Variants in PTPRM observed in about 807,000 individuals in gnomAD.
PTPRM encodes protein tyrosine phosphatase receptor type M, also known as receptor-type tyrosine-protein phosphatase mu.
In PTPRM, 47 loss-of-function variants were observed where a neutral mutation model predicts 186.7. The observed-to-expected ratio is 0.25, with a 90% CI of 0.20 to 0.32. The LOEUF (loss-of-function observed/expected upper bound fraction) is 0.32, where lower values mean the gene tolerates loss of function less well. PTPRM is among the 10% of genes least tolerant of loss of function. The pLI, the probability that PTPRM is intolerant of heterozygous loss-of-function variation, is 1.00. For synonymous variants in PTPRM, 668 were observed against 674.9 expected (o/e 0.99, Z 0.16); for missense variants, 1,494 against 1,865.0 (o/e 0.80, Z 3.66).
chr18:8,065,455 GACTGAGCTTCCTGC>G (rs1306566927), intron 7 of PTPRM, among the ~76,000 whole-genome samples: 1 of 152,108 alleles, frequency 6.6e-6, no homozygotes, highest in Non-Finnish European at 1.5e-5. Context: ...AGAGCTCACT[GACTGAGCTTCCTGC>G]GTGACAGCCA....
chr18:7,653,790 G>A (rs759402411), intron 1 of PTPRM, among the ~76,000 whole-genome samples: 4 of 152,176 alleles, frequency 2.6e-5, no homozygotes. Context: ...ACATGCATGT[G>A]TCTTTATGGT....
intron 31 of PTPRM, among the ~76,000 whole-genome samples, chr18:8,392,748 GGGGACTT>G (rs897176290): frequency 6.6e-6 from 1 of 152,136 alleles, no homozygotes; most frequent in African/African-American, 2.4e-5. Context: ...AAAACAGGCT[GGGGACTT>G]GTCAGAAAAG....
chr18:8,398,552 G>A (rs2095856046), intron 32 of PTPRM, among the ~76,000 whole-genome samples: 1 of 152,088 alleles, frequency 6.6e-6, no homozygotes, highest in Non-Finnish European at 1.5e-5. Context: ...GATCACCTGA[G>A]GTCAGGAGTT....
At chr18:7,633,281 T>C (rs771439835) in intron 1 of PTPRM, among the ~76,000 whole-genome samples, 1 of 152,202 alleles carries the variant, frequency 6.6e-6, no homozygotes, top group African/African-American at 2.4e-5. Flanking sequence ...TTGCAACCAT[T>C]CCTTGATGAA....
chr18:7,597,984 A>G (rs1221230627), intron 1 of PTPRM, among the ~76,000 whole-genome samples: 1 of 152,202 alleles, frequency 6.6e-6, no homozygotes. Flanking sequence ...GCCTGAAACA[A>G]TGCATTTAAA....
At chr18:7,604,363 GTAAAAC>G (rs1430340306) in intron 1 of PTPRM, among the ~76,000 whole-genome samples, 4 of 152,198 alleles carry the variant, frequency 2.6e-5, no homozygotes, top group African/African-American at 9.7e-5. Context: ...TGCTGCTCTG[GTAAAAC>G]ACAAACATCA....
chr18:7,711,110 C>T (rs1428651847), intron 1 of PTPRM, among the ~76,000 whole-genome samples: 9 of 152,116 alleles, frequency 5.9e-5, no homozygotes, highest in African/African-American at 2.2e-4. Context: ...CGGGTGATTT[C>T]TGCATTTCCA....
chr18:8,281,452 A>T (rs2094902907), intron 19 of PTPRM, among the ~76,000 whole-genome samples: 1 of 152,174 alleles, frequency 6.6e-6, no homozygotes, highest in African/African-American at 2.4e-5. Context: ...ACAGCAACAA[A>T]AATCTGTGCC....
intron 13 of PTPRM, chr18:8,121,840 A>G (rs528168388): frequency 6.6e-6 from 1 of 152,352 alleles, no homozygotes; most frequent in Non-Finnish European, 1.5e-5. Flanking sequence ...CTAAAAGCCT[A>G]AAGTTTGGAT....
chr18:7,613,807 T>A (rs2037737148), intron 1 of PTPRM, among the ~76,000 whole-genome samples: 1 of 152,258 alleles, frequency 6.6e-6, no homozygotes, highest in African/African-American at 2.4e-5. Context: ...GTCAGCAGAT[T>A]ACTTTTGTCC....
At chr18:7,935,379 G>A (rs774085374) in intron 5 of PTPRM, among the ~76,000 whole-genome samples, 18 of 150,590 alleles carry the variant, frequency 1.2e-4, no homozygotes, top group Non-Finnish European at 2.1e-4. Flanking sequence ...ACCTTTAGGC[G>A]TATACCTTAT....
chr18:8,373,029 A>G (rs1467962890), intron 24 of PTPRM, among the ~76,000 whole-genome samples: 3 of 152,184 alleles, frequency 2.0e-5, no homozygotes, highest in Non-Finnish European at 2.9e-5. Context: ...TTTAGTCACT[A>G]GACAACCAGT....
intron 1 of PTPRM, among the ~76,000 whole-genome samples, chr18:7,582,766 G>A (rs931318205): frequency 3.3e-5 from 5 of 152,188 alleles, no homozygotes; most frequent in African/African-American, 9.7e-5. Flanking sequence ...TGTTAACTTC[G>A]GTGAACTCAC....
chr18:8,352,685 T>TA (rs2095542082), intron 23 of PTPRM, among the ~76,000 whole-genome samples: 2 of 151,402 alleles, frequency 1.3e-5, no homozygotes, highest in African/African-American at 4.9e-5. Context: ...TTTGTTTTGT[T>TA]TTTTGAGATG....
intron 32 of PTPRM, among the ~76,000 whole-genome samples, chr18:8,398,213 GCCTCAA>G (rs1321319148): frequency 2.0e-5 from 3 of 151,982 alleles, no homozygotes; most frequent in Non-Finnish European, 4.4e-5. Context: ...CAAACTCCTG[GCCTCAA>G]GCAGTCCTCC....
intron 13 of PTPRM, among the ~76,000 whole-genome samples, chr18:8,126,400 A>G (rs1055457278): frequency 2.0e-5 from 3 of 152,170 alleles, no homozygotes; most frequent in African/African-American, 7.2e-5. Flanking sequence ...CATTGCAAAT[A>G]AAACAAACCA....
intron 7 of PTPRM, among the ~76,000 whole-genome samples, chr18:8,055,976 T>C (rs2087899629): frequency 6.6e-6 from 1 of 152,138 alleles, no homozygotes; most frequent in South Asian, 2.1e-4. Flanking sequence ...GTGTAAGGTG[T>C]TGCTGGAGAC....
chr18:8,179,679 A>G (rs1464055944), intron 14 of PTPRM, among the ~76,000 whole-genome samples: 1 of 152,072 alleles, frequency 6.6e-6, no homozygotes, highest in African/African-American at 2.4e-5. Flanking sequence ...CATGTTGGCC[A>G]GGATGGTCTT....
At chr18:7,908,141 G>A (rs989936040) in intron 4 of PTPRM, among the ~76,000 whole-genome samples, 1 of 152,012 alleles carries the variant, frequency 6.6e-6, no homozygotes, top group African/African-American at 2.4e-5. Context: ...AGTTTTATTG[G>A]GTGCTGCCAA....
Sources: gnomAD v4.1 joint callset for allele counts (sites outside exome capture counted in the v4.1 genomes callset) on GRCh38, gnomAD v4.1.1 for gene constraint, MANE v1.5 for transcripts, NCBI Gene and HGNC (gene_info 2026-07-23, HGNC 2026-07-21) for gene names.